The following MBNL3 variants were observed in gnomAD, a reference collection of about 807,000 sequenced individuals.
MBNL3 encodes the protein muscleblind like splicing regulator 3.
In MBNL3, 6 loss-of-function variants were observed where a neutral mutation model predicts 24.5. The ratio of observed to expected loss-of-function variants is 0.25; its 90% confidence interval spans 0.13 to 0.48. The LOEUF is 0.48. MBNL3 is among the 20% of genes least tolerant of loss of function. MBNL3 has a pLI of 0.99. For missense variants in MBNL3, 230 were observed against 293.5 expected (o/e 0.78, Z 1.58); for synonymous variants, 100 against 101.7 (o/e 0.98, Z 0.10).
intron 2 of MBNL3, among the ~76,000 whole-genome samples, chrX:132,420,661 C>T (rs1299377733): frequency 9.0e-6 from 1 of 110,761 alleles, no homozygotes; most frequent in Non-Finnish European, 1.9e-5. Flanking sequence ...TTGCAAGCCC[C>T]GTGTTTAAAG....
intron 5 of MBNL3, 43 bp downstream of exon 5, chrX:132,390,804 G>A: frequency 9.4e-7 from 1 of 1,068,657 alleles, no homozygotes; most frequent in Non-Finnish European, 1.3e-6. Context: ...AATATACAAA[G>A]CATTTACTCT....
chrX:132,430,098 T>A (rs1944615270), intron 2 of MBNL3: 1 of 111,035 alleles, frequency 9.0e-6, no homozygotes, highest in Admixed American at 9.5e-5. Flanking sequence ...TGACTAGATT[T>A]TAGAGTTTTC....
At chrX:132,483,531 C>G (rs1422355378) in intron 1 of MBNL3, among the ~76,000 whole-genome samples, 1 of 112,002 alleles carries the variant, frequency 8.9e-6, no homozygotes, top group East Asian at 2.8e-4. Context: ...TGCTTTCCTG[C>G]GTAGAAGCTG....
intron 7 of MBNL3, among the ~76,000 whole-genome samples, chrX:132,383,608 A>C (rs1369672121): frequency 8.9e-6 from 1 of 112,390 alleles, no homozygotes; most frequent in Non-Finnish European, 1.9e-5. Context: ...TGTTGGTATT[A>C]ATGGAAATGT....
chrX:132,449,726 G>C (rs1052991476), intron 1 of MBNL3, among the ~76,000 whole-genome samples: 11 of 109,919 alleles, frequency 1.0e-4, no homozygotes, highest in Admixed American at 3.9e-4. Context: ...CCCGTTAGTT[G>C]ATGTAGTTTC....
intron 1 of MBNL3, among the ~76,000 whole-genome samples, chrX:132,481,959 A>G (rs1261792013): frequency 8.9e-6 from 1 of 112,179 alleles, no homozygotes; most frequent in African/African-American, 3.2e-5. Context: ...ATTGTGTTAC[A>G]TGAAATAAAC....
At chrX:132,458,413 C>T (rs893309968) in intron 1 of MBNL3, among the ~76,000 whole-genome samples, 2 of 110,023 alleles carry the variant, frequency 1.8e-5, no homozygotes, top group African/African-American at 6.6e-5. Flanking sequence ...AAAGGAATAT[C>T]TGAGACTGGG....
At position 132,373,090 on chromosome X, in the gene MBNL3, A is replaced by G. The variant is rs1049909728; in HGVS notation, c.*6576T>C. On this transcript the variant is annotated 3_prime_UTR_variant, in exon 9 of 9. Coordinates refer to ENST00000370853, the MANE Select transcript of MBNL3 (RefSeq NM_001386889.1). ...TTTACTTAATTCCCCAATTTGTCTT[A>G]TTTATTGAAACACAGCCTCTATGTT... is the stretch of plus-strand genomic sequence containing the variant. 1.8e-5 allele frequency: 2 copies of G among 110,116 alleles called. No homozygotes were observed. The highest frequency in any genetic ancestry group is 3.8e-5 in the Non-Finnish European group (2 of 52,610). The allele number at this position is 110,116 out of a possible 1,213,427, so 9.1% of individuals were successfully genotyped here. A position where few individuals can be genotyped will look rare whatever the true frequency, so the allele number is the denominator to read the frequency against.
rs1406101134 is a variant in MBNL3 at position 132,374,561 on chromosome X, C to T, written c.*5105G>A. Reference sequence around the variant, plus strand: ...CTCCTTTTCAAAGCCTTAGAAATAACTCTCTCTTACTAACTTTTCCACTAT... The same window carrying T: ...CTCCTTTTCAAAGCCTTAGAAATAATTCTCTCTTACTAACTTTTCCACTAT... On this transcript the variant is annotated 3_prime_UTR_variant, in exon 9 of 9. Transcript: ENST00000370853. The T allele has an allele frequency of 4.5e-5, 5 of 111,101 alleles. No individual in the cohort carries two copies. The highest frequency in any genetic ancestry group is 2.9e-4 in the Admixed American group (3 of 10,402). The allele number at this position is 111,101 out of a possible 1,213,427, so 9.2% of individuals were successfully genotyped here.
chrX:132,373,705 G>A lies in MBNL3; in HGVS notation c.*5961C>T, dbSNP rs894830725. On this transcript the variant is annotated 3_prime_UTR_variant, in exon 9 of 9. Coordinates refer to ENST00000370853, the MANE Select transcript of MBNL3 (RefSeq NM_001386889.1). ...ACCTCTTCTAGGCCTCATTGCCTGG[G>A]GGCAAAAAGAAAGTTAACTGGCTAT... 8 of 111,663 alleles carry A rather than the reference G, an allele frequency of 7.2e-5. No individual in the cohort carries two copies. Among genetic ancestry groups the A allele is most frequent in the African/African-American group, 2.6e-4 (8 of 30,711 alleles). The allele number at this position is 111,663 out of a possible 1,213,427, so 9.2% of individuals were successfully genotyped here.
rs967284023 is a variant in MBNL3, at chrX:132,413,739, C to T, written c.178-7347G>A. ...GCGCAACAGTATATTTAAATACCCT[C>T]GATGTCTGCTGGAGCTCCCCCTTTA... On this transcript the variant is annotated intron_variant, in intron 2 of 8. Transcript: ENST00000370853. 10 of 527,399 alleles carry T rather than the reference C, an allele frequency of 1.9e-5. No homozygotes were observed. In the Admixed American group the frequency reaches 4.5e-4, roughly 24 times the overall value. The allele number at this position is 527,399 out of a possible 1,213,427, so 43.5% of individuals were successfully genotyped here.
chrX:132,463,607 C>T, intron 1 of MBNL3, among the ~76,000 whole-genome samples: 1 of 111,815 alleles, frequency 8.9e-6, no homozygotes, highest in East Asian at 2.8e-4. Context: ...AACTTATAAC[C>T]ACGCACCACC....
At position 132,370,547 on chromosome X, in the gene MBNL3, G is replaced by C. The variant is rs1401690025; in HGVS notation, c.*9119C>G. 1 of 111,885 alleles carries C rather than the reference G, an allele frequency of 8.9e-6. No individual in the cohort carries two copies. The highest frequency in any genetic ancestry group is 1.9e-5 in the Non-Finnish European group (1 of 53,139). 9.2% of individuals were successfully genotyped at this position (111,885 alleles called of 1,213,427 possible). On this transcript the variant is annotated 3_prime_UTR_variant, in exon 9 of 9. Coordinates refer to ENST00000370853, the MANE Select transcript of MBNL3 (RefSeq NM_001386889.1). ...AGTAAAACATATTTCCCTTATCTAT[G>C]CATGTAGGTGTCTGATATTTGCCCA...
At chrX:132,403,494 G>A (rs937439172) in intron 3 of MBNL3, among the ~76,000 whole-genome samples, 9 of 111,677 alleles carry the variant, frequency 8.1e-5, no homozygotes, top group Non-Finnish European at 1.1e-4. Context: ...GTCATCTTCC[G>A]TCATCTGAAA....
In MBNL3 at chrX:132,411,109, A is replaced by AAAT. The variant is rs1371064831; in HGVS notation, c.178-4720_178-4718dup. On this transcript the variant is annotated intron_variant, in intron 2 of 8. Transcript: ENST00000370853. ...CCATTTCTTAAATATAATGAAGGCA[A>AAAT]AATTAATGAGGCTGAACGTTGACCC... 6.7e-6 allele frequency: 5 copies of AAAT among 748,794 alleles called. No homozygotes were observed. In the African/African-American group the frequency reaches 1.2e-4, roughly 17 times the overall value. 61.7% of individuals were successfully genotyped at this position (748,794 alleles called of 1,213,427 possible). A position where few individuals can be genotyped will look rare whatever the true frequency, so the allele number is the denominator to read the frequency against.
intron 3 of MBNL3, among the ~76,000 whole-genome samples, chrX:132,392,660 A>T (rs1033707722): frequency 3.6e-5 from 4 of 112,285 alleles, no homozygotes; most frequent in African/African-American, 1.3e-4. Context: ...CCTAAAAACC[A>T]TGTCACCAAT....
At chrX:132,421,263 C>T (rs1486272974) in intron 2 of MBNL3, among the ~76,000 whole-genome samples, 1 of 110,749 alleles carries the variant, frequency 9.0e-6, no homozygotes, top group African/African-American at 3.3e-5. Flanking sequence ...AAATATTTCC[C>T]GAGAATTAAG....
chrX:132,379,699 A>G, intron 8 of MBNL3, 22 bp from the exon 9 acceptor site: 2 of 1,121,868 alleles, frequency 1.8e-6, no homozygotes, highest in Non-Finnish European at 2.4e-6. Context: ...AAAAAAAGAA[A>G]GAAAGAAAGA....
At chrX:132,440,648 T>C (rs1321607908) in intron 1 of MBNL3, among the ~76,000 whole-genome samples, 1 of 111,788 alleles carries the variant, frequency 8.9e-6, no homozygotes, top group Admixed American at 9.4e-5. Flanking sequence ...TGTAGGCTCC[T>C]TAGTCTCTAT....
Sources: allele counts gnomAD v4.1 joint callset (sites outside exome capture counted in the v4.1 genomes callset), GRCh38; gene constraint gnomAD v4.1.1; transcripts MANE v1.5; gene names NCBI Gene and HGNC (gene_info 2026-07-23, HGNC 2026-07-21).